Variants in HIVEP3 observed in about 807,000 individuals in gnomAD.
HIVEP3 encodes the protein transcription factor HIVEP3.
HIVEP3 carries 49 observed loss-of-function variants against 152.8 expected under a neutral mutation model. That is an observed-to-expected ratio of 0.32 (90% CI 0.26 to 0.41). The LOEUF (loss-of-function observed/expected upper bound fraction) is 0.41, where lower values mean the gene tolerates loss of function less well. Among genes scored for constraint, HIVEP3 ranks in the 10% least tolerant of loss-of-function variants. HIVEP3 has a pLI of 1.00. For missense variants in HIVEP3, 2,790 were observed against 3,103.3 expected, an observed-to-expected ratio of 0.90 and a Z score of 2.40; for synonymous variants, 1,269 against 1,289.0, an observed-to-expected ratio of 0.98 and a Z score of 0.33.
intron 3 of HIVEP3, among the ~76,000 whole-genome samples, chr1:41,624,234 G>A (rs1328866354): frequency 6.6e-6 from 1 of 152,120 alleles, no homozygotes; most frequent in Non-Finnish European, 1.5e-5. Context: ...GTACAAAAAT[G>A]AGAACCACCA....
intron 1 of HIVEP3, among the ~76,000 whole-genome samples, chr1:41,777,136 C>T (rs888918764): frequency 6.6e-6 from 1 of 152,238 alleles, no homozygotes; most frequent in Non-Finnish European, 1.5e-5. Context: ...CGCCTGCCAA[C>T]CTGGGTGCAG....
intron 5 of HIVEP3, among the ~76,000 whole-genome samples, chr1:41,552,187 C>T (rs988507248): frequency 3.9e-5 from 6 of 152,124 alleles, no homozygotes; most frequent in Non-Finnish European, 7.4e-5. Flanking sequence ...TGTAGTTGTG[C>T]GGTTTTGAAT....
At chr1:41,645,814 G>A (rs1645450493) in intron 2 of HIVEP3, among the ~76,000 whole-genome samples, 1 of 152,190 alleles carries the variant, frequency 6.6e-6, no homozygotes, top group African/African-American at 2.4e-5. Context: ...TGCAACTGAA[G>A]GTGACAGGCC....
chr1:41,902,352 C>A (rs1012732473), intron 1 of HIVEP3, among the ~76,000 whole-genome samples: 6 of 152,028 alleles, frequency 3.9e-5, no homozygotes, highest in Admixed American at 1.3e-4. Flanking sequence ...AGAAGCAGGA[C>A]AGAAAGGGGA....
chr1:41,836,322 G>C (rs548443781), intron 1 of HIVEP3, among the ~76,000 whole-genome samples: 4 of 152,312 alleles, frequency 2.6e-5, no homozygotes, highest in African/African-American at 9.6e-5. Context: ...GAACAAGGGA[G>C]GCATGGCTGC....
intron 1 of HIVEP3, among the ~76,000 whole-genome samples, chr1:42,016,796 C>T (rs114946588): frequency 0.011 from 1,647 of 152,160 alleles, 32 homozygotes; most frequent in African/African-American, 0.038. Flanking sequence ...CAGGGTGTAC[C>T]TTATATAACC....
intron 2 of HIVEP3, among the ~76,000 whole-genome samples, chr1:41,643,033 G>T (rs774380470): frequency 6.6e-6 from 1 of 152,018 alleles, no homozygotes; most frequent in Admixed American, 6.6e-5. Flanking sequence ...AAGTTCCTAC[G>T]CCCATGAGCC....
At chr1:41,852,152 T>G (rs1362883206) in intron 1 of HIVEP3, among the ~76,000 whole-genome samples, 1 of 152,274 alleles carries the variant, frequency 6.6e-6, no homozygotes, top group African/African-American at 2.4e-5. Flanking sequence ...TCAGTCTTGC[T>G]GTTTTGCCTT....
chr1:41,613,672 A>G (rs919926848), intron 3 of HIVEP3, among the ~76,000 whole-genome samples: 1 of 152,248 alleles, frequency 6.6e-6, no homozygotes, highest in Non-Finnish European at 1.5e-5. Context: ...AATGCTGTCT[A>G]GTCATTTGAT....
At chr1:41,903,974 A>G (rs1449960507) in intron 1 of HIVEP3, among the ~76,000 whole-genome samples, 1 of 147,552 alleles carries the variant, frequency 6.8e-6, no homozygotes, top group African/African-American at 2.5e-5. Flanking sequence ...ATCTTGGCTC[A>G]CTGCAGCCAC....
chr1:41,645,214 C>A lies in HIVEP3; in HGVS notation c.-720-16267G>T, dbSNP rs374982257. Reference sequence around the variant, plus strand: ...CTCTGCTGCACAAGACAGGGCAATGCCTTGTTCCTCTTGGACCCCCAGGCC... The same window carrying A: ...CTCTGCTGCACAAGACAGGGCAATGACTTGTTCCTCTTGGACCCCCAGGCC... On this transcript the variant is annotated intron_variant, in intron 2 of 8. Transcript: ENST00000372583. 1.2e-4 allele frequency among the ~76,000 whole-genome samples: 18 copies of A among 152,312 alleles called. No individual in the cohort carries two copies. The East Asian group carries it at 3.1e-3, about 26-fold the overall frequency.
At chr1:41,599,229 G>A (rs973358071) in intron 3 of HIVEP3, among the ~76,000 whole-genome samples, 20 of 152,144 alleles carry the variant, frequency 1.3e-4, no homozygotes, top group Non-Finnish European at 4.4e-5. Context: ...CTTGACCCCC[G>A]ATATCATACC....
chr1:41,714,715 C>T (rs1416680012), intron 1 of HIVEP3, among the ~76,000 whole-genome samples: 1 of 152,176 alleles, frequency 6.6e-6, no homozygotes, highest in Non-Finnish European at 1.5e-5. Context: ...CAGCCACTGG[C>T]CTTCTGGACA....
intron 1 of HIVEP3, among the ~76,000 whole-genome samples, chr1:41,810,325 C>T (rs1160495330): frequency 1.3e-5 from 2 of 152,210 alleles, no homozygotes; most frequent in Admixed American, 6.5e-5. Context: ...TGCGATCAAC[C>T]ACTTGTAAGA....
rs565218462 is a variant in HIVEP3, at chr1:41,721,420, G to A, written c.-800-20425C>T. Among the ~76,000 whole-genome samples the A allele has an allele frequency of 2.0e-5, 3 of 152,212 alleles. No individual in the cohort carries two copies. In the South Asian group the frequency reaches 6.2e-4, roughly 32 times the overall value. On this transcript the variant is annotated intron_variant, in intron 1 of 8. Coordinates refer to ENST00000372583, the MANE Select transcript of HIVEP3 (RefSeq NM_024503.5). ...GGGATTTCATCATATTGGTCAGGCT[G>A]GTCTCGAACTCCTGACCTCAGGTGA... is the stretch of plus-strand genomic sequence containing the variant.
At chr1:41,706,395 C>G (rs1244564628) in intron 1 of HIVEP3, among the ~76,000 whole-genome samples, 1 of 152,164 alleles carries the variant, frequency 6.6e-6, no homozygotes, top group Non-Finnish European at 1.5e-5. Flanking sequence ...AATTTTCCTG[C>G]CTCAGCCTCC....
At chr1:41,913,859 T>G (rs1482443196) in intron 1 of HIVEP3, among the ~76,000 whole-genome samples, 1 of 152,206 alleles carries the variant, frequency 6.6e-6, no homozygotes, top group East Asian at 1.9e-4. Context: ...TTATTAGCTT[T>G]TCTTTGGATC....
chr1:41,862,509 T>TGCCACCCAGCACCTCCTCTGC (rs1643900130), intron 1 of HIVEP3, among the ~76,000 whole-genome samples: 6 of 152,172 alleles, frequency 3.9e-5, no homozygotes, highest in Admixed American at 3.9e-4. Flanking sequence ...CCCTCCTCTT[T>TGCCACCCAGCACCTCCTCTGC]GCCACCCAGC....
At chr1:41,602,860 G>A (rs1185987576) in intron 3 of HIVEP3, among the ~76,000 whole-genome samples, 2 of 151,902 alleles carry the variant, frequency 1.3e-5, no homozygotes, top group African/African-American at 2.4e-5. Context: ...TTATCACAAC[G>A]AACTCTCTGA....
Sources: allele counts gnomAD v4.1 joint callset (sites outside exome capture counted in the v4.1 genomes callset), GRCh38; gene constraint gnomAD v4.1.1; transcripts MANE v1.5; gene names NCBI Gene and HGNC (gene_info 2026-07-23, HGNC 2026-07-21).